The following CACNA1A variants were observed in gnomAD, a reference collection of about 807,000 sequenced individuals.
CACNA1A encodes voltage-dependent P/Q-type calcium channel subunit alpha-1A.
Under a neutral mutation model 262.4 loss-of-function variants are expected in CACNA1A, and 57 were observed. That is an observed-to-expected ratio of 0.22 (90% CI 0.18 to 0.27). The LOEUF (loss-of-function observed/expected upper bound fraction) is 0.27. Ranked by LOEUF, CACNA1A falls within the 10% of genes least tolerant of loss-of-function variation. The pLI, the probability that CACNA1A is intolerant of heterozygous loss-of-function variation, is 1.00. For missense variants in CACNA1A, 2,526 were observed against 3,562.8 expected, an observed-to-expected ratio of 0.71 and a Z score of 7.41; for synonymous variants, 1,431 against 1,419.3, an observed-to-expected ratio of 1.01 and a Z score of -0.18.
At chr19:13,348,359 G>A (rs1245710951) in intron 6 of CACNA1A, among the ~76,000 whole-genome samples, 1 of 152,134 alleles carries the variant, frequency 6.6e-6, no homozygotes, top group East Asian at 1.9e-4. Flanking sequence ...AGGGAGAGAA[G>A]GAGAAGGAGG....
intron 19 of CACNA1A, among the ~76,000 whole-genome samples, chr19:13,292,840 A>T (rs768207356): frequency 1.3e-5 from 2 of 151,366 alleles, no homozygotes; most frequent in African/African-American, 2.4e-5. Context: ...CTGATCTTGA[A>T]TTTTTTTCTC....
At chr19:13,263,933 C>G (rs1315263551) in intron 24 of CACNA1A, among the ~76,000 whole-genome samples, 1 of 152,084 alleles carries the variant, frequency 6.6e-6, no homozygotes, top group Non-Finnish European at 1.5e-5. Context: ...TACCAAATCT[C>G]CCCTCCCCCA....
intron 22 of CACNA1A, 79 bp downstream of exon 22, chr19:13,283,188 A>G (rs1260728589): frequency 1.3e-6 from 2 of 1,557,490 alleles, no homozygotes; most frequent in Admixed American, 1.7e-5. Flanking sequence ...CACCCTACCT[A>G]TGAGCATTTT....
chr19:13,247,648 A>C (rs910221143), intron 30 of CACNA1A, among the ~76,000 whole-genome samples: 3 of 92,154 alleles, frequency 3.3e-5, no homozygotes, highest in African/African-American at 1.2e-4. Context: ...TGCAGTGAGC[A>C]GAGATTGCAC....
intron 3 of CACNA1A, among the ~76,000 whole-genome samples, chr19:13,402,100 C>G (rs1397767523): frequency 6.6e-6 from 1 of 152,218 alleles, no homozygotes; most frequent in African/African-American, 2.4e-5. Flanking sequence ...ATTGCTTTGT[C>G]TCTCTTGATC....
Position 13,207,433 on chromosome 19 carries a change from C to CCGAGAAGG in CACNA1A, c.7393_7400dup (p.His2468LeufsTer143). Reference sequence around the variant, plus strand: ...AGCCGTTGGGGAGTCGCCGGCCGTGCCGAGAAGGCGAGGCGCAGGCCGGGC... The same window carrying CCGAGAAGG: ...AGCCGTTGGGGAGTCGCCGGCCGTGCCGAGAAGGCGAGAAGGCGAGGCGCAGGCCGGGC... On this transcript the variant is annotated frameshift_variant, in exon 47 of 47. Transcript: ENST00000360228. LOFTEE classifies it high-confidence loss of function. The surrounding 1 kb of genome is among the most constrained non-coding windows in gnomAD (Gnocchi z 5.7). 1 of 1,521,176 alleles carries CCGAGAAGG rather than the reference C, an allele frequency of 6.6e-7. No homozygotes were observed. Among genetic ancestry groups the CCGAGAAGG allele is most frequent in the Non-Finnish European group, 8.8e-7 (1 of 1,138,462 alleles). 94.2% of individuals were successfully genotyped at this position (1,521,176 alleles called of 1,614,324 possible).
chr19:13,346,858 T>C (rs1239556420), intron 6 of CACNA1A, among the ~76,000 whole-genome samples: 5 of 148,992 alleles, frequency 3.4e-5, no homozygotes, highest in African/African-American at 1.2e-4. Flanking sequence ...TTTTTGTATT[T>C]TAGTAGAGAC....
chr19:13,447,169 G>T (rs1419926127), intron 3 of CACNA1A, among the ~76,000 whole-genome samples: 1 of 152,116 alleles, frequency 6.6e-6, no homozygotes, highest in Non-Finnish European at 1.5e-5. Context: ...GATTCCCTGA[G>T]AATCTAATAA....
intron 31 of CACNA1A, among the ~76,000 whole-genome samples, chr19:13,237,292 A>G (rs2055909447): frequency 6.6e-6 from 1 of 152,052 alleles, no homozygotes; most frequent in South Asian, 2.1e-4. Flanking sequence ...TCTCCACACT[A>G]AGGGAAGGGG....
chr19:13,504,618 G>A (rs978795616), intron 1 of CACNA1A, among the ~76,000 whole-genome samples: 1 of 152,074 alleles, frequency 6.6e-6, no homozygotes, highest in Admixed American at 6.5e-5. Flanking sequence ...AGGGATAGGG[G>A]ACTCATCGCT....
At chr19:13,287,548 C>G (rs921936621) in intron 19 of CACNA1A, among the ~76,000 whole-genome samples, 9 of 152,078 alleles carry the variant, frequency 5.9e-5, no homozygotes, top group African/African-American at 2.2e-4. Context: ...TTTTCTTGCT[C>G]TGTCGTACAG....
chr19:13,252,754 T>C (rs1415357122), intron 30 of CACNA1A: 1 of 318,534 alleles, frequency 3.1e-6, no homozygotes, highest in African/African-American at 2.1e-5. Flanking sequence ...ACTCCCATCA[T>C]TTTGAGGAAC....
chr19:13,375,019 T>A (rs956386394), intron 3 of CACNA1A, among the ~76,000 whole-genome samples: 1 of 152,332 alleles, frequency 6.6e-6, no homozygotes, highest in Non-Finnish European at 1.5e-5. Flanking sequence ...TTTGTAGATA[T>A]TGTGTTTCTT....
At chr19:13,376,808 ATG>A (rs1568586235) in intron 3 of CACNA1A, among the ~76,000 whole-genome samples, 1 of 75,470 alleles carries the variant, frequency 1.3e-5, no homozygotes, top group East Asian at 2.6e-4. Context: ...CACATAATAT[ATG>A]TTATGTGTGA....
chr19:13,481,727 G>C (rs557646562), intron 1 of CACNA1A, among the ~76,000 whole-genome samples: 85 of 152,234 alleles, frequency 5.6e-4, no homozygotes, highest in African/African-American at 1.9e-3. Flanking sequence ...AGAGGTAGGA[G>C]CAGGTGAGGG....
chr19:13,219,715 G>A (rs950957991), intron 38 of CACNA1A, among the ~76,000 whole-genome samples: 1 of 152,132 alleles, frequency 6.6e-6, no homozygotes, highest in Non-Finnish European at 1.5e-5. Context: ...AGCACTTTGG[G>A]AGGCCGAGGT....
chr19:13,217,166 C>T (rs1204693217), intron 38 of CACNA1A, among the ~76,000 whole-genome samples: 3 of 151,506 alleles, frequency 2.0e-5, no homozygotes, highest in Non-Finnish European at 4.4e-5. Context: ...AAACCAAAAC[C>T]AAAATAGAGA....
intron 3 of CACNA1A, among the ~76,000 whole-genome samples, chr19:13,415,688 C>T (rs1190898906): frequency 7.3e-6 from 1 of 137,244 alleles, no homozygotes. Flanking sequence ...TACAGTGAGC[C>T]AAGATCATGC....
At chr19:13,314,717 A>G (rs558289295) in intron 11 of CACNA1A, among the ~76,000 whole-genome samples, 1 of 152,332 alleles carries the variant, frequency 6.6e-6, no homozygotes, top group South Asian at 2.1e-4. Context: ...AGTACAAATG[A>G]ACTAAGATAT....
Sources: gnomAD v4.1 joint callset for allele counts (sites outside exome capture counted in the v4.1 genomes callset) on GRCh38, gnomAD v4.1.1 for gene constraint, Gnocchi (gnomAD v3.1) non-coding constraint, MANE v1.5 for transcripts, NCBI Gene and HGNC (gene_info 2026-07-23, HGNC 2026-07-21) for gene names.